CADM2: variants seen among roughly 807,000 people sequenced by gnomAD.
CADM2 encodes the protein immunoglobulin superfamily member 4D.
A neutral mutation model predicts 49.8 loss-of-function variants in CADM2; 12 were observed. The ratio of observed to expected loss-of-function variants is 0.24; its 90% confidence interval spans 0.15 to 0.39. The LOEUF is 0.39. Among genes scored for constraint, CADM2 ranks in the 10% least tolerant of loss-of-function variants. The pLI is 1.00. For missense variants in CADM2, 378 were observed against 492.3 expected (o/e 0.77, Z 2.20); for synonymous variants, 214 against 175.4 (o/e 1.22, Z -1.74).
intron 1 of CADM2, among the ~76,000 whole-genome samples, chr3:85,703,179 AAGGC>A (rs1003656920): frequency 2.0e-5 from 3 of 152,148 alleles, no homozygotes; most frequent in Non-Finnish European, 2.9e-5. Flanking sequence ...TTCAAGTGAA[AAGGC>A]AGGAAGAAGG....
chr3:85,629,468 G>C (rs1392991839), intron 1 of CADM2, among the ~76,000 whole-genome samples: 2 of 151,818 alleles, frequency 1.3e-5, no homozygotes, highest in African/African-American at 4.8e-5. Flanking sequence ...AAAGTTTATA[G>C]ATGAATTGAT....
intron 1 of CADM2, among the ~76,000 whole-genome samples, chr3:85,270,754 T>G (rs1302472655): frequency 6.6e-6 from 1 of 151,318 alleles, no homozygotes; most frequent in Non-Finnish European, 1.5e-5. Context: ...GTAGAACACT[T>G]ATGTGCCACT....
chr3:85,491,771 G>T (rs2039684236), intron 1 of CADM2, among the ~76,000 whole-genome samples: 1 of 151,900 alleles, frequency 6.6e-6, no homozygotes, highest in African/African-American at 2.4e-5. Context: ...CTGACATGGT[G>T]AAACCCCATC....
intron 2 of CADM2, among the ~76,000 whole-genome samples, chr3:85,759,626 A>G (rs1298195974): frequency 6.6e-6 from 1 of 152,122 alleles, no homozygotes; most frequent in African/African-American, 2.4e-5. Flanking sequence ...AAGCTGCCAC[A>G]TAATACTTTG....
At chr3:85,039,020 C>T (rs572135869) in intron 1 of CADM2, among the ~76,000 whole-genome samples, 1 of 152,070 alleles carries the variant, frequency 6.6e-6, no homozygotes, top group South Asian at 2.1e-4. Flanking sequence ...TCATTATTTT[C>T]TTATAAACAC....
At chr3:85,097,153 C>T (rs2037830453) in intron 1 of CADM2, among the ~76,000 whole-genome samples, 1 of 152,128 alleles carries the variant, frequency 6.6e-6, no homozygotes, top group Non-Finnish European at 1.5e-5. Context: ...TTCCCCCTCC[C>T]CACACCCCAC....
At chr3:85,630,402 C>T (rs868303091) in intron 1 of CADM2, among the ~76,000 whole-genome samples, 41 of 152,134 alleles carry the variant, frequency 2.7e-4, no homozygotes, top group South Asian at 1.4e-3. Context: ...GTTCAAAGAT[C>T]TCTTTCTGTG....
At chr3:85,568,475 C>T (rs1475247660) in intron 1 of CADM2, among the ~76,000 whole-genome samples, 64 of 39,366 alleles carry the variant, frequency 1.6e-3, no homozygotes, top group African/African-American at 3.8e-3. Flanking sequence ...CTTTCTCTCT[C>T]TTTCTTTCTT....
chr3:84,999,215 A>C (rs756770603), intron 1 of CADM2, among the ~76,000 whole-genome samples: 33 of 152,188 alleles, frequency 2.2e-4, no homozygotes, highest in Non-Finnish European at 3.7e-4. Context: ...AGTCTCTGGA[A>C]CACTGAGTTA....
At chr3:85,469,170 GT>G (rs1232223077) in intron 1 of CADM2, among the ~76,000 whole-genome samples, 3 of 152,070 alleles carry the variant, frequency 2.0e-5, no homozygotes, top group Admixed American at 6.5e-5. Context: ...GAATATGAGA[GT>G]TTTTGATATG....
intron 8 of CADM2, chr3:86,012,685 C>T: frequency 2.3e-6 from 3 of 1,279,948 alleles, no homozygotes; most frequent in Non-Finnish European, 3.4e-6. Context: ...GGAGAGCTGA[C>T]TTAGAAGATA....
intron 8 of CADM2, among the ~76,000 whole-genome samples, chr3:86,016,254 T>C (rs1398214952): frequency 6.6e-6 from 1 of 152,122 alleles, no homozygotes; most frequent in Non-Finnish European, 1.5e-5. Context: ...ACATGTTATA[T>C]AGCTACTACT....
At chr3:85,821,570 T>A (rs1162859252) in intron 3 of CADM2, among the ~76,000 whole-genome samples, 2 of 152,134 alleles carry the variant, frequency 1.3e-5, no homozygotes, top group Non-Finnish European at 2.9e-5. Flanking sequence ...TTTTGTTGCA[T>A]ACACAAGAAG....
intron 1 of CADM2, among the ~76,000 whole-genome samples, chr3:85,683,844 A>G (rs2066110950): frequency 6.6e-6 from 1 of 152,196 alleles, no homozygotes; most frequent in South Asian, 2.1e-4. Flanking sequence ...TATGACTCCT[A>G]CAATATGACT....
At chr3:85,441,377 T>C (rs1366806696) in intron 1 of CADM2, among the ~76,000 whole-genome samples, 2 of 152,018 alleles carry the variant, frequency 1.3e-5, no homozygotes, top group Admixed American at 6.6e-5. Flanking sequence ...ATAAACATAA[T>C]ATTTATAATT....
intron 8 of CADM2, among the ~76,000 whole-genome samples, chr3:86,041,246 G>A (rs1735876476): frequency 6.6e-6 from 1 of 152,172 alleles, no homozygotes; most frequent in Middle Eastern, 3.2e-3. Flanking sequence ...AATCTTACAT[G>A]TAAATGGACT....
chr3:85,134,777 T>G (rs1441974214), intron 1 of CADM2, among the ~76,000 whole-genome samples: 1 of 152,108 alleles, frequency 6.6e-6, no homozygotes, highest in African/African-American at 2.4e-5. Context: ...TTGCTATATA[T>G]AATTGTGCAA....
chr3:85,456,609 C>G (rs73140731), intron 1 of CADM2, among the ~76,000 whole-genome samples: 1 of 151,994 alleles, frequency 6.6e-6, no homozygotes, highest in African/African-American at 2.4e-5. Context: ...TTCTCTTGAA[C>G]CTTTTCTGAT....
At chr3:85,066,576 G>A (rs2036537237) in intron 1 of CADM2, among the ~76,000 whole-genome samples, 1 of 151,890 alleles carries the variant, frequency 6.6e-6, no homozygotes, top group Non-Finnish European at 1.5e-5. Context: ...GCATGTACAT[G>A]GATAAGTATG....
Sources: gnomAD v4.1 joint callset for allele counts (sites outside exome capture counted in the v4.1 genomes callset) on GRCh38, gnomAD v4.1.1 for gene constraint, MANE v1.5 for transcripts, NCBI Gene and HGNC (gene_info 2026-07-23, HGNC 2026-07-21) for gene names.